SLC6A11: variants seen among roughly 807,000 people sequenced by gnomAD.
SLC6A11 encodes sodium- and chloride-dependent GABA transporter 3.
A neutral mutation model predicts 74.8 loss-of-function variants in SLC6A11; 25 were observed. The observed-to-expected ratio is 0.33, with a 90% CI of 0.24 to 0.47. SLC6A11 has a LOEUF of 0.47. Ranked by LOEUF, SLC6A11 falls within the 20% of genes least tolerant of loss-of-function variation. The pLI is 1.00. For synonymous variants in SLC6A11, 330 were observed against 330.2 expected, an observed-to-expected ratio of 1.00 and a Z score of 0.01; for missense variants, 574 against 837.0, an observed-to-expected ratio of 0.69 and a Z score of 3.88.
At chr3:10,902,132 T>A (rs928840072) in intron 6 of SLC6A11, among the ~76,000 whole-genome samples, 5 of 152,114 alleles carry the variant, frequency 3.3e-5, no homozygotes, top group Non-Finnish European at 5.9e-5. Context: ...AAAGAAAATG[T>A]AGAAGAAAGA....
At chr3:10,934,474 G>A (rs563021484) in intron 12 of SLC6A11, among the ~76,000 whole-genome samples, 8 of 152,344 alleles carry the variant, frequency 5.3e-5, no homozygotes, top group Admixed American at 2.0e-4. Flanking sequence ...ACTATGTGGG[G>A]AACAAAGGCC....
At chr3:10,822,535 G>T (rs1451837656) in intron 3 of SLC6A11, among the ~76,000 whole-genome samples, 2 of 152,216 alleles carry the variant, frequency 1.3e-5, no homozygotes, top group African/African-American at 2.4e-5. Flanking sequence ...AATAAAGGGA[G>T]TTGGAAAAGT....
intron 6 of SLC6A11, among the ~76,000 whole-genome samples, chr3:10,903,533 C>G (rs1028757598): frequency 1.3e-5 from 2 of 152,212 alleles, no homozygotes; most frequent in African/African-American, 4.8e-5. Flanking sequence ...GGTAGGAGCT[C>G]TGTAACATTT....
chr3:10,913,725 G>A (rs764843444), intron 7 of SLC6A11, among the ~76,000 whole-genome samples: 22 of 152,044 alleles, frequency 1.4e-4, no homozygotes, highest in Admixed American at 3.9e-4. Context: ...ACGGAGTCTC[G>A]CTCAGTCACC....
chr3:10,935,238 G>A (rs1433271591), intron 13 of SLC6A11, 39 bp downstream of exon 13: 1 of 1,598,068 alleles, frequency 6.3e-7, no homozygotes, highest in Non-Finnish European at 8.6e-7. Context: ...TTTGGGCAGG[G>A]TTCGCGCCTT....
At chr3:10,838,502 A>G (rs1348140038) in intron 4 of SLC6A11, among the ~76,000 whole-genome samples, 1 of 152,166 alleles carries the variant, frequency 6.6e-6, no homozygotes, top group Non-Finnish European at 1.5e-5. Flanking sequence ...TAATCTCAGC[A>G]CTTTGGGAAG....
Position 10,886,248 on chromosome 3 carries a change from G to A in SLC6A11, c.891+11153G>A, listed in dbSNP as rs1360345774. Among the ~76,000 whole-genome samples, 11 of 152,322 alleles carry A rather than the reference G, an allele frequency of 7.2e-5. No individual in the cohort carries two copies. The East Asian group carries it at 1.5e-3, about 21-fold the overall frequency. ...TTACTCTGGTGTGACCAGAAGCAGA[G>A]ATCGACTCCCTTGCTCACCACCCCA... On this transcript the variant is annotated intron_variant, in intron 6 of 13. Transcript: ENST00000254488.
intron 5 of SLC6A11, among the ~76,000 whole-genome samples, chr3:10,864,848 A>G (rs1694745205): frequency 1.3e-5 from 2 of 152,098 alleles, no homozygotes; most frequent in African/African-American, 4.8e-5. Flanking sequence ...TTCTCTGTCC[A>G]GAGGTCTTTC....
At chr3:10,880,310 G>C (rs962819794) in intron 6 of SLC6A11, among the ~76,000 whole-genome samples, 1 of 152,166 alleles carries the variant, frequency 6.6e-6, no homozygotes, top group African/African-American at 2.4e-5. Context: ...TAGTTTTCCT[G>C]TACTTCTGGA....
chr3:10,911,804 A>G (rs1271046812), intron 6 of SLC6A11, among the ~76,000 whole-genome samples: 1 of 152,202 alleles, frequency 6.6e-6, no homozygotes, highest in Non-Finnish European at 1.5e-5. Flanking sequence ...AGGGTCACAC[A>G]GCTGAGGCCG....
In SLC6A11 at chr3:10,938,634, C is replaced by T. The variant is rs1364357786; in HGVS notation, c.*232C>T. On this transcript the variant is annotated 3_prime_UTR_variant, in exon 14 of 14. Coordinates refer to ENST00000254488, the MANE Select transcript of SLC6A11 (RefSeq NM_014229.3). Reference sequence around the variant, plus strand: ...AAGAGATAACACTGTACGGGGACTGCCAGATCTTCTGTCCTAGGGCAGTTT... The same window carrying T: ...AAGAGATAACACTGTACGGGGACTGTCAGATCTTCTGTCCTAGGGCAGTTT... 9 of 383,284 alleles carry T rather than the reference C, an allele frequency of 2.3e-5. No homozygotes were observed. The highest frequency in any genetic ancestry group is 4.2e-5 in the Admixed American group (1 of 23,772). 23.7% of individuals were successfully genotyped at this position (383,284 alleles called of 1,614,324 possible). A position where few individuals can be genotyped will look rare whatever the true frequency, so the allele number is the denominator to read the frequency against.
At chr3:10,835,736 A>C (rs1425891446) in intron 4 of SLC6A11, among the ~76,000 whole-genome samples, 1 of 152,162 alleles carries the variant, frequency 6.6e-6, no homozygotes, top group Non-Finnish European at 1.5e-5. Flanking sequence ...TCCTCTGAAC[A>C]ATGGTGTACA....
chr3:10,910,363 A>T (rs1293656275), intron 6 of SLC6A11, among the ~76,000 whole-genome samples: 1 of 152,164 alleles, frequency 6.6e-6, no homozygotes, highest in East Asian at 1.9e-4. Flanking sequence ...TCCAGTGGGC[A>T]TGAGTATTTT....
intron 6 of SLC6A11, among the ~76,000 whole-genome samples, chr3:10,885,415 T>C (rs990745641): frequency 3.9e-5 from 6 of 152,156 alleles, no homozygotes; most frequent in African/African-American, 1.4e-4. Flanking sequence ...TTAGGATGAG[T>C]GTAAAGTCGT....
intron 3 of SLC6A11, among the ~76,000 whole-genome samples, chr3:10,822,905 C>T (rs1171114632): frequency 6.6e-6 from 1 of 152,180 alleles, no homozygotes; most frequent in African/African-American, 2.4e-5. Context: ...CATTACTGCC[C>T]CAAGGTCACC....
intron 1 of SLC6A11, 41 bp from the exon 2 acceptor site, chr3:10,819,424 G>A (rs758730252): frequency 4.0e-5 from 63 of 1,581,404 alleles, no homozygotes; most frequent in Non-Finnish European, 4.7e-5. Flanking sequence ...AGTATGAATC[G>A]GCAGGGACAG....
At chr3:10,830,613 C>T (rs1694282389) in intron 4 of SLC6A11, among the ~76,000 whole-genome samples, 1 of 152,076 alleles carries the variant, frequency 6.6e-6, no homozygotes, top group Non-Finnish European at 1.5e-5. Flanking sequence ...TCAGGGAGGG[C>T]CTCTCTGAGG....
intron 6 of SLC6A11, among the ~76,000 whole-genome samples, chr3:10,911,669 C>G (rs953677528): frequency 1.1e-4 from 17 of 152,184 alleles, no homozygotes; most frequent in African/African-American, 4.1e-4. Context: ...ACCTTGCAAG[C>G]AGGCACTAGA....
chr3:10,871,873 G>A (rs935306386), intron 5 of SLC6A11, among the ~76,000 whole-genome samples: 15 of 152,216 alleles, frequency 9.9e-5, no homozygotes, highest in African/African-American at 3.4e-4. Flanking sequence ...GGGGCCATGA[G>A]TGGGCTGGGG....
Sources: allele counts gnomAD v4.1 joint callset (sites outside exome capture counted in the v4.1 genomes callset), GRCh38; gene constraint gnomAD v4.1.1; transcripts MANE v1.5; gene names NCBI Gene and HGNC (gene_info 2026-07-23, HGNC 2026-07-21).